NRG1: variants seen among roughly 807,000 people sequenced by gnomAD.
The protein encoded by NRG1 is pro-neuregulin-1, membrane-bound isoform.
In NRG1, 18 loss-of-function variants were observed where a neutral mutation model predicts 63.8. The ratio of observed to expected loss-of-function variants is 0.28; its 90% CI spans 0.19 to 0.42. The LOEUF is 0.42. Ranked by LOEUF, NRG1 falls within the 10% of genes least tolerant of loss-of-function variation. The pLI, the probability that NRG1 is intolerant of heterozygous loss-of-function variation, is 1.00. For missense variants in NRG1, 762 were observed against 814.7 expected (o/e 0.94, Z 0.79); for synonymous variants, 302 against 301.3 (o/e 1.00, Z -0.02).
intron 1 of NRG1, among the ~76,000 whole-genome samples, chr8:31,706,724 C>T (rs1811188534): frequency 6.6e-6 from 1 of 152,144 alleles, no homozygotes; most frequent in Admixed American, 6.5e-5. Context: ...CAGCCTTTGG[C>T]ATTTTGCCAA....
intron 1 of NRG1, among the ~76,000 whole-genome samples, chr8:32,436,857 T>A (rs183050935): frequency 1.9e-4 from 29 of 151,710 alleles, no homozygotes; most frequent in Non-Finnish European, 7.4e-5. Flanking sequence ...AGTGTCACAG[T>A]GCATAACTGG....
At chr8:32,705,491 A>G (rs1227559206) in intron 5 of NRG1, among the ~76,000 whole-genome samples, 1 of 152,174 alleles carries the variant, frequency 6.6e-6, no homozygotes, top group African/African-American at 2.4e-5. Context: ...AAAGTGGCAA[A>G]ATGTTTGCTT....
intron 1 of NRG1, among the ~76,000 whole-genome samples, chr8:32,286,631 C>T (rs1215279916): frequency 6.6e-6 from 1 of 152,192 alleles, no homozygotes; most frequent in Non-Finnish European, 1.5e-5. Context: ...AAGAACCTGG[C>T]ACCTTCCTCT....
rs186323716 is a variant in NRG1 at position 32,664,591 on chromosome 8, T to C, written c.502+47706T>C. Among the ~76,000 whole-genome samples, 26 of 152,236 alleles carry C rather than the reference T, an allele frequency of 1.7e-4. No homozygotes were observed. The East Asian group carries it at 4.4e-3, about 26-fold the overall frequency. On this transcript the variant is annotated intron_variant, in intron 5 of 11. Coordinates refer to ENST00000356819, the Ensembl canonical transcript of NRG1. Reference sequence around the variant, plus strand: ...ATCCTCACACACACAAAAAAAACATTGTTCCTTTTTGGAAATAAACTGATG... The same window carrying C: ...ATCCTCACACACACAAAAAAAACATCGTTCCTTTTTGGAAATAAACTGATG...
intron 1 of NRG1, among the ~76,000 whole-genome samples, chr8:31,730,024 G>A (rs1487681698): frequency 6.6e-6 from 1 of 152,110 alleles, no homozygotes; most frequent in Non-Finnish European, 1.5e-5. Flanking sequence ...TGTGTGTCCT[G>A]TAATGCCCCT....
intron 1 of NRG1, among the ~76,000 whole-genome samples, chr8:32,376,501 G>A (rs28719657): frequency 0.18 from 26,902 of 152,080 alleles, 2,650 homozygotes; most frequent in Middle Eastern, 0.25. Context: ...ATAAGAGTTC[G>A]AGATCAATAA....
At position 32,036,571 on chromosome 8, in the gene NRG1, A is replaced by G. The variant is rs1042869301; in HGVS notation, c.37+397140A>G. ...CCTGTTTCTTTCAGGTACCCCAGTC[A>G]GCGGTAGGTTCAGTCTTTTAACATA... is the stretch of plus-strand genomic sequence containing the variant. On this transcript the variant is annotated intron_variant, in intron 1 of 10. Coordinates refer to the NRG1 transcript ENST00000519301. Among the ~76,000 whole-genome samples, 29 of 152,148 alleles carry G rather than the reference A, an allele frequency of 1.9e-4. 1 individual carries two copies. Among genetic ancestry groups the G allele is most frequent in the African/African-American group, 6.0e-4 (25 of 41,428 alleles).
intron 1 of NRG1, chr8:31,639,508 C>T (rs1276662463): frequency 6.6e-7 from 1 of 1,519,276 alleles, no homozygotes; most frequent in Non-Finnish European, 8.8e-7. Context: ...AACTCCGCCT[C>T]CAGGGCTCTC....
At chr8:32,382,315 G>A (rs28396199) in intron 1 of NRG1, among the ~76,000 whole-genome samples, 4,467 of 152,166 alleles carry the variant, frequency 0.029, 230 homozygotes, top group African/African-American at 0.1. Flanking sequence ...TGATATAATC[G>A]TTTATAATTT....
intron 1 of NRG1, among the ~76,000 whole-genome samples, chr8:32,474,018 C>G (rs969053700): frequency 9.9e-5 from 15 of 152,096 alleles, no homozygotes; most frequent in African/African-American, 3.6e-4. Flanking sequence ...GCATCCTGAT[C>G]CCTGGACACA....
At chr8:32,540,109 C>G (rs779601397) in intron 1 of NRG1, among the ~76,000 whole-genome samples, 1 of 151,880 alleles carries the variant, frequency 6.6e-6, no homozygotes, top group Non-Finnish European at 1.5e-5. Flanking sequence ...ATGGTTTCTT[C>G]GATAGAAAGG....
intron 1 of NRG1, among the ~76,000 whole-genome samples, chr8:31,679,885 A>T (rs1808136552): frequency 6.6e-6 from 1 of 152,284 alleles, no homozygotes; most frequent in South Asian, 2.1e-4. Flanking sequence ...AAATCAATGT[A>T]CAAAATCAAT....
chr8:32,052,340 A>T (rs192868261), intron 1 of NRG1, among the ~76,000 whole-genome samples: 1 of 134,006 alleles, frequency 7.5e-6, no homozygotes, highest in African/African-American at 2.8e-5. Flanking sequence ...CAGTGGTGTG[A>T]TCATAGCTCA....
chr8:32,045,956 A>G (rs1166067315), intron 1 of NRG1, among the ~76,000 whole-genome samples: 1 of 152,090 alleles, frequency 6.6e-6, no homozygotes, highest in Non-Finnish European at 1.5e-5. Context: ...ACTTTATACA[A>G]ATTTAAAACT....
chr8:31,842,429 C>T (rs1489380280), intron 1 of NRG1, among the ~76,000 whole-genome samples: 1 of 152,194 alleles, frequency 6.6e-6, no homozygotes, highest in African/African-American at 2.4e-5. Flanking sequence ...GTGGGTTCAA[C>T]TCAATAATAT....
intron 1 of NRG1, among the ~76,000 whole-genome samples, chr8:31,882,248 A>C (rs762340992): frequency 4.0e-5 from 6 of 150,416 alleles, no homozygotes; most frequent in Non-Finnish European, 8.8e-5. Flanking sequence ...AGAACAACTA[A>C]GCCTGGATGC....
At chr8:32,511,233 T>A (rs975428535) in intron 1 of NRG1, among the ~76,000 whole-genome samples, 6 of 150,864 alleles carry the variant, frequency 4.0e-5, no homozygotes, top group Non-Finnish European at 7.4e-5. Context: ...ACAACAGATA[T>A]TTATCAACAA....
chr8:32,619,250 T>G (rs1052875168), intron 5 of NRG1, among the ~76,000 whole-genome samples: 2 of 151,882 alleles, frequency 1.3e-5, no homozygotes, highest in African/African-American at 4.8e-5. Context: ...AAAAAACATC[T>G]GGGGAAACTG....
At chr8:31,856,070 T>C (rs1201590370) in intron 1 of NRG1, among the ~76,000 whole-genome samples, 8 of 151,584 alleles carry the variant, frequency 5.3e-5, no homozygotes, top group Non-Finnish European at 1.0e-4. Context: ...TCAACTTTGG[T>C]GAATCTGACA....
Sources: allele counts gnomAD v4.1 joint callset (sites outside exome capture counted in the v4.1 genomes callset), GRCh38; gene constraint gnomAD v4.1.1; transcripts MANE v1.5; gene names NCBI Gene and HGNC (gene_info 2026-07-23, HGNC 2026-07-21).